Variants in KIAA1217 observed in about 807,000 individuals in gnomAD.
The protein encoded by KIAA1217 is KIAA1217.
In KIAA1217, 88 loss-of-function variants were observed where a neutral mutation model predicts 163.9. The observed-to-expected ratio is 0.54, with a 90% CI of 0.45 to 0.64. The LOEUF is 0.64. Ranked by LOEUF, KIAA1217 falls within the 30% of genes least tolerant of loss-of-function variation. The probability of loss-of-function intolerance (pLI) is 0.00; values close to 1 mark genes in which losing one functional copy is unlikely to be tolerated. For synonymous variants in KIAA1217, 903 were observed against 923.1 expected, an observed-to-expected ratio of 0.98 and a Z score of 0.39; for missense variants, 2,372 against 2,475.0, an observed-to-expected ratio of 0.96 and a Z score of 0.88.
chr10:24,255,777 T>C (rs986847612), intron 2 of KIAA1217, among the ~76,000 whole-genome samples: 1 of 152,202 alleles, frequency 6.6e-6, no homozygotes, highest in Non-Finnish European at 1.5e-5. Context: ...AGTGAAATTA[T>C]GCTTCTCAAG....
At chr10:24,506,828 G>C (rs1439333708) in intron 9 of KIAA1217, among the ~76,000 whole-genome samples, 2 of 152,224 alleles carry the variant, frequency 1.3e-5, no homozygotes, top group Non-Finnish European at 2.9e-5. Context: ...AGCTGAAACA[G>C]CTAGAACTGG....
intron 10 of KIAA1217, among the ~76,000 whole-genome samples, chr10:24,515,936 T>C (rs539818811): frequency 6.6e-6 from 1 of 152,276 alleles, no homozygotes; most frequent in Non-Finnish European, 1.5e-5. Flanking sequence ...CCAGCTGTGG[T>C]GGCATGCCTC....
chr10:24,184,584 C>A (rs2066332417), intron 2 of KIAA1217, among the ~76,000 whole-genome samples: 1 of 152,184 alleles, frequency 6.6e-6, no homozygotes, highest in Admixed American at 6.5e-5. Context: ...TGGAGGATTT[C>A]CCATGAGGCC....
chr10:23,758,727 C>T (rs947690802), intron 1 of KIAA1217, among the ~76,000 whole-genome samples: 1 of 133,048 alleles, frequency 7.5e-6, no homozygotes, highest in African/African-American at 2.7e-5. Context: ...GCTCTTATCA[C>T]CCAGGCTGGA....
intron 2 of KIAA1217, among the ~76,000 whole-genome samples, chr10:24,138,366 C>G (rs1194421054): frequency 1.3e-5 from 2 of 152,158 alleles, no homozygotes; most frequent in Non-Finnish European, 2.9e-5. Context: ...CCAGGCTGGT[C>G]TTGAACTCCT....
intron 1 of KIAA1217, among the ~76,000 whole-genome samples, chr10:23,960,313 C>T (rs1844768262): frequency 6.6e-6 from 1 of 152,062 alleles, no homozygotes; most frequent in Non-Finnish European, 1.5e-5. Flanking sequence ...GGCTGGAGTG[C>T]AGTGGTGAGA....
intron 1 of KIAA1217, among the ~76,000 whole-genome samples, chr10:23,945,542 G>A (rs987071752): frequency 2.6e-5 from 4 of 152,082 alleles, no homozygotes; most frequent in Admixed American, 2.0e-4. Flanking sequence ...TTGTAGTGGC[G>A]GTTACGAAGT....
chr10:23,886,481 C>G (rs114131429), intron 1 of KIAA1217, among the ~76,000 whole-genome samples: 1 of 151,928 alleles, frequency 6.6e-6, no homozygotes, highest in Non-Finnish European at 1.5e-5. Flanking sequence ...CAGTCAGAGG[C>G]CAGAATGCTC....
At chr10:24,026,668 T>C (rs1037059446) in intron 2 of KIAA1217, among the ~76,000 whole-genome samples, 20 of 151,816 alleles carry the variant, frequency 1.3e-4, no homozygotes, top group African/African-American at 4.6e-4. Context: ...ATACATTGTA[T>C]TGATTCTTGC....
At chr10:23,932,566 A>C (rs1232147706) in intron 1 of KIAA1217, among the ~76,000 whole-genome samples, 2 of 152,192 alleles carry the variant, frequency 1.3e-5, no homozygotes, top group African/African-American at 4.8e-5. Context: ...AAAATTTAAC[A>C]TATAAACTTT....
intron 8 of KIAA1217, among the ~76,000 whole-genome samples, chr10:24,496,396 T>G (rs2066785323): frequency 6.6e-6 from 1 of 152,266 alleles, no homozygotes; most frequent in South Asian, 2.1e-4. Flanking sequence ...ATTCATTTTT[T>G]AAAATGGATT....
intron 2 of KIAA1217, among the ~76,000 whole-genome samples, chr10:24,239,673 A>ATGTGTGTGTGTGTGTGTGTGTGTT (rs904138522): frequency 6.8e-6 from 1 of 147,546 alleles, no homozygotes; most frequent in Non-Finnish European, 1.5e-5. Flanking sequence ...TTATTCCCAG[A>ATGTGTGTGTGTGTGTGTGTGTGTT]TGTGTGTGTG....
At chr10:24,000,305 T>A (rs1447275318) in intron 1 of KIAA1217, among the ~76,000 whole-genome samples, 1 of 152,168 alleles carries the variant, frequency 6.6e-6, no homozygotes, top group Non-Finnish European at 1.5e-5. Flanking sequence ...TGGGGGGCAG[T>A]TACCCTCATG....
intron 2 of KIAA1217, among the ~76,000 whole-genome samples, chr10:24,145,960 G>C (rs553370085): frequency 6.6e-6 from 1 of 152,286 alleles, no homozygotes; most frequent in Non-Finnish European, 1.5e-5. Flanking sequence ...TGACTCAACT[G>C]TTAATCTCCT....
At chr10:24,251,422 A>C (rs1259217923) in intron 2 of KIAA1217, among the ~76,000 whole-genome samples, 8 of 139,676 alleles carry the variant, frequency 5.7e-5, no homozygotes, top group East Asian at 2.1e-4. Flanking sequence ...AAAAAAAAAA[A>C]CAAGAAAAAA....
intron 1 of KIAA1217, among the ~76,000 whole-genome samples, chr10:23,701,177 T>A (rs1209799499): frequency 1.3e-5 from 2 of 152,224 alleles, no homozygotes. Flanking sequence ...TTAGTCCCTC[T>A]TCTGGCCAGA....
At chr10:23,840,799 G>T (rs947467173) in intron 1 of KIAA1217, among the ~76,000 whole-genome samples, 1 of 152,114 alleles carries the variant, frequency 6.6e-6, no homozygotes. Flanking sequence ...TGTGGAAATG[G>T]TCATAATCAG....
chr10:24,167,673 C>A lies in KIAA1217; in HGVS notation c.-170-51953C>A, dbSNP rs143784247. 8.3e-4 allele frequency among the ~76,000 whole-genome samples: 126 copies of A among 152,276 alleles called. No individual in the cohort carries two copies. In the East Asian group the frequency reaches 0.02, roughly 25 times the overall value. On this transcript the variant is annotated intron_variant, in intron 2 of 18. Transcript: ENST00000376462. ...TTTATATTCATGAACAAAACTCTTT[C>A]CTCACTGACACTACTCCCCTCCCTC... is the stretch of plus-strand genomic sequence containing the variant.
At chr10:23,706,689 A>G (rs779654440) in intron 1 of KIAA1217, among the ~76,000 whole-genome samples, 9 of 152,188 alleles carry the variant, frequency 5.9e-5, no homozygotes, top group Non-Finnish European at 1.3e-4. Context: ...GTCTATATTC[A>G]TAAGAGATAT....
Sources: gnomAD v4.1 joint callset for allele counts (sites outside exome capture counted in the v4.1 genomes callset) on GRCh38, gnomAD v4.1.1 for gene constraint, MANE v1.5 for transcripts, NCBI Gene and HGNC (gene_info 2026-07-23, HGNC 2026-07-21) for gene names.